ATRN: variants seen among roughly 807,000 people sequenced by gnomAD.
ATRN encodes the protein attractin-2.
A neutral mutation model predicts 178.7 loss-of-function variants in ATRN; 54 were observed. The ratio of observed to expected loss-of-function variants is 0.30; its 90% CI spans 0.24 to 0.38. ATRN has a LOEUF of 0.38. ATRN is among the 10% of genes least tolerant of loss of function. The probability of loss-of-function intolerance (pLI) is 1.00; values close to 1 mark genes in which losing one functional copy is unlikely to be tolerated. For missense variants in ATRN, 1,443 were observed against 1,815.1 expected, an observed-to-expected ratio of 0.79 and a Z score of 3.73; for synonymous variants, 636 against 663.0, an observed-to-expected ratio of 0.96 and a Z score of 0.63.
intron 2 of ATRN, among the ~76,000 whole-genome samples, chr20:3,535,873 G>T (rs1372371014): frequency 6.6e-6 from 1 of 151,962 alleles, no homozygotes; most frequent in African/African-American, 2.4e-5. Context: ...CAAGTGATCC[G>T]CTCGCCTCAG....
chr20:3,505,038 C>T (rs1053570825), intron 1 of ATRN, among the ~76,000 whole-genome samples: 2 of 152,118 alleles, frequency 1.3e-5, no homozygotes, highest in Non-Finnish European at 2.9e-5. Flanking sequence ...TACATATCAA[C>T]TTGACTGGGT....
Position 3,582,138 on chromosome 20 carries a change from A to C in ATRN, c.2548A>C (p.Lys850Gln), listed in dbSNP as rs1568744050. ...GTTGTGTCTCTTTTGCCTTTAGTCC[A>C]AGCTCACCTTAACCCCATGGGTCGG... ...RIMQSSQSMS[K>Q]LTLTPWVGLR... The change falls in exon 16 of 29, where the codon AAG becomes CAG. Residue 850 changes from lysine to glutamine, a missense_variant. Around this residue, in one of 4 missense-constraint regions of ATRN, gnomAD observed 212 missense variants for 330.7 expected, o/e 0.64. Transcript: ENST00000262919. 6.2e-7 allele frequency: 1 copy of C among 1,613,828 alleles called. No individual in the cohort carries two copies. Among genetic ancestry groups the C allele is most frequent in the Non-Finnish European group, 8.5e-7 (1 of 1,179,732 alleles).
At chr20:3,635,569 T>G (rs2087019543) in intron 26 of ATRN, among the ~76,000 whole-genome samples, 1 of 151,792 alleles carries the variant, frequency 6.6e-6, no homozygotes, top group Non-Finnish European at 1.5e-5. Flanking sequence ...CTGTCTGGGG[T>G]TTTTTTGGAT....
At chr20:3,546,743 T>G (rs1218275253) in intron 4 of ATRN, among the ~76,000 whole-genome samples, 1 of 152,172 alleles carries the variant, frequency 6.6e-6, no homozygotes, top group Non-Finnish European at 1.5e-5. Flanking sequence ...CCATCTGAAA[T>G]GAGTAGATAA....
chr20:3,636,636 G>A (rs922836541), intron 26 of ATRN, among the ~76,000 whole-genome samples: 1 of 152,190 alleles, frequency 6.6e-6, no homozygotes, highest in African/African-American at 2.4e-5. Flanking sequence ...GTGGTTTTAC[G>A]TAGATTAACT....
intron 24 of ATRN, 34 bp from the exon 25 acceptor site, chr20:3,624,477 C>T (rs780718559): frequency 6.4e-7 from 1 of 1,564,978 alleles, no homozygotes; most frequent in East Asian, 2.2e-5. Flanking sequence ...GTTTCATGAC[C>T]TGCATAATCA....
chr20:3,565,505 C>A (rs1398901935), intron 11 of ATRN, 73 bp downstream of exon 11: 2 of 1,328,648 alleles, frequency 1.5e-6, no homozygotes, highest in Non-Finnish European at 2.1e-6. Context: ...CGGTGGCTCA[C>A]GCCTGTAATT....
At chr20:3,629,414 C>A in intron 25 of ATRN, 1 of 566,664 alleles carries the variant, frequency 1.8e-6, no homozygotes, top group Non-Finnish European at 2.2e-6. Flanking sequence ...AGCATTTGTA[C>A]ATGCTTATCC....
intron 1 of ATRN, chr20:3,491,074 A>G (rs2146087986): frequency 1.3e-6 from 1 of 785,352 alleles, no homozygotes; most frequent in Non-Finnish European, 2.1e-6. Context: ...AAGGAAATGC[A>G]GTGGACTTTT....
chr20:3,579,704 CTACCG>C (rs958305000), intron 15 of ATRN, among the ~76,000 whole-genome samples: 1 of 152,096 alleles, frequency 6.6e-6, no homozygotes, highest in Non-Finnish European at 1.5e-5. Context: ...AATTGTGATC[CTACCG>C]TCAGTTAAGT....
Position 3,576,873 on chromosome 20 carries a change from G to A in ATRN, c.2229G>A (p.Arg743=). 1 of 1,613,890 alleles carries A rather than the reference G, an allele frequency of 6.2e-7. No individual in the cohort carries two copies. The highest frequency in any genetic ancestry group is 8.5e-7 in the Non-Finnish European group (1 of 1,179,926). ...SCSEGQISIF[R]YENCPKDNPM... Reference sequence around the variant, plus strand: ...CTGTGTTCTAGATCTCCATTTTTAGGTATGAGAATTGCCCCAAGGATAACC... The same window carrying A: ...CTGTGTTCTAGATCTCCATTTTTAGATATGAGAATTGCCCCAAGGATAACC... Residue 743 remains arginine (R), a synonymous_variant, in exon 14 of 29, where the codon AGG becomes AGA. Transcript: ENST00000262919.
chr20:3,630,222 C>G (rs2086979256), intron 25 of ATRN, among the ~76,000 whole-genome samples: 1 of 152,210 alleles, frequency 6.6e-6, no homozygotes, highest in African/African-American at 2.4e-5. Flanking sequence ...TTGTTCCTCA[C>G]TCCTGTAGAA....
At chr20:3,587,930 C>A (rs1181419653) in intron 18 of ATRN, among the ~76,000 whole-genome samples, 1 of 152,144 alleles carries the variant, frequency 6.6e-6, no homozygotes, top group Non-Finnish European at 1.5e-5. Flanking sequence ...ACTGCAGCCT[C>A]CGCTTTCCCA....
intron 22 of ATRN, among the ~76,000 whole-genome samples, chr20:3,599,885 G>GTAAA (rs2086586060): frequency 1.3e-5 from 2 of 152,190 alleles, no homozygotes; most frequent in Non-Finnish European, 2.9e-5. Flanking sequence ...TAAATGCTTT[G>GTAAA]TGAGAGAAAC....
chr20:3,546,627 G>A (rs989921804), intron 4 of ATRN, among the ~76,000 whole-genome samples: 3 of 151,910 alleles, frequency 2.0e-5, no homozygotes, highest in Non-Finnish European at 2.9e-5. Flanking sequence ...TCCTGACCTC[G>A]TGATTCGCCA....
At chr20:3,607,669 T>G (rs2086693896) in intron 24 of ATRN, among the ~76,000 whole-genome samples, 1 of 152,254 alleles carries the variant, frequency 6.6e-6, no homozygotes, top group Non-Finnish European at 1.5e-5. Context: ...TTGTGAATAG[T>G]GCTGTGATAA....
Position 3,646,783 on chromosome 20 carries a change from A to G in ATRN, c.4226A>G (p.Glu1409Gly). 6.2e-7 allele frequency: 1 copy of G among 1,610,324 alleles called. No individual in the cohort carries two copies. Among genetic ancestry groups the G allele is most frequent in the Non-Finnish European group, 8.5e-7 (1 of 1,178,372 alleles). ...CAGCAGATGCCGATAGTGTACAAGG[A>G]GAAGTCAGGAGCCGTGAGAAACCGG... ...ISQQMPIVYK[E>G]KSGAVRNRKQ... Residue 1409 changes from glutamate (E) to glycine (G), a missense_variant, in exon 29 of 29, where the codon GAG (glutamate) becomes GGG (glycine). Around this residue, in one of 4 missense-constraint regions of ATRN, gnomAD observed 289 missense variants for 440.8 expected, o/e 0.66. Transcript: ENST00000262919.
At chr20:3,544,423 A>G (rs1229951408) in intron 3 of ATRN, among the ~76,000 whole-genome samples, 2 of 152,096 alleles carry the variant, frequency 1.3e-5, no homozygotes, top group Non-Finnish European at 2.9e-5. Context: ...GCTAGGTCAG[A>G]GTGAATGAGC....
intron 1 of ATRN, among the ~76,000 whole-genome samples, chr20:3,504,457 C>G (rs1023837467): frequency 6.7e-6 from 1 of 149,528 alleles, no homozygotes; most frequent in Non-Finnish European, 1.5e-5. Context: ...GGGTGGATCA[C>G]CTGAGGTCAG....
Sources: allele counts gnomAD v4.1 joint callset (sites outside exome capture counted in the v4.1 genomes callset), GRCh38; gene constraint gnomAD v4.1.1; regional missense constraint gnomAD v4.1.1; transcripts MANE v1.5; gene names NCBI Gene and HGNC (gene_info 2026-07-23, HGNC 2026-07-21).